The following P4HTM variants were observed in gnomAD, a reference collection of about 807,000 sequenced individuals.
The protein encoded by P4HTM is transmembrane prolyl 4-hydroxylase.
In P4HTM, 33 loss-of-function variants were observed where a neutral mutation model predicts 55.3. The ratio of observed to expected loss-of-function variants is 0.60; its 90% confidence interval spans 0.45 to 0.80. P4HTM has a LOEUF of 0.80. Ranked by LOEUF, P4HTM falls within the 30% of genes least tolerant of loss-of-function variation. The pLI is 0.00. For synonymous variants in P4HTM, 272 were observed against 286.4 expected (o/e 0.95, Z 0.51); for missense variants, 542 against 696.5 (o/e 0.78, Z 2.50).
At position 49,001,976 on chromosome 3, in the gene P4HTM, C is replaced by G. The variant is rs367837912; in HGVS notation, c.627+348C>G. Among the ~76,000 whole-genome samples, 25 of 152,358 alleles carry G rather than the reference C, an allele frequency of 1.6e-4. No homozygotes were observed. In the East Asian group the frequency reaches 2.5e-3, roughly 15 times the overall value. On this transcript the variant is annotated intron_variant, in intron 3 of 8. Transcript: ENST00000383729. ...CTCTGAGGTGGCCAGCAGCCTGCCT[C>G]TCTCTCTGCATAACTCTCACACACT...
rs1243301827 is a variant in P4HTM, at chr3:49,002,826, G to A, written c.724+230G>A. ...GGTGATGGTCTCGAGGGCAGTTCTTGGAGACCCTTTTGATAACATCAGGCA... is the reference window on the plus strand; with the variant it reads ...GGTGATGGTCTCGAGGGCAGTTCTTAGAGACCCTTTTGATAACATCAGGCA... On this transcript the variant is annotated intron_variant, in intron 4 of 8. Coordinates refer to ENST00000383729, the MANE Select transcript of P4HTM (RefSeq NM_177939.3). The surrounding 1 kb of genome is among the most constrained non-coding windows in gnomAD (Gnocchi z 4.4). The A allele has an allele frequency of 1.6e-6, 1 of 621,146 alleles. No individual in the cohort carries two copies. Among genetic ancestry groups the A allele is most frequent in the Non-Finnish European group, 2.9e-6 (1 of 339,306 alleles). 38.5% of individuals were successfully genotyped at this position (621,146 alleles called of 1,614,324 possible).
rs935593731 is a variant in P4HTM at position 49,006,701 on chromosome 3, G to A, written c.1303G>A (p.Val435Ile). Residue 435 changes from valine to isoleucine, a missense_variant, in exon 9 of 9, where the codon GTA becomes ATA. Transcript: ENST00000383729. ...LPDGQGWVGDVDDYSLHGGCL... is the reference protein window; with the variant it reads ...LPDGQGWVGDIDDYSLHGGCL... ...TCCTCTTCTAGGTTGGGTGGGTGACGTAGACGACTACTCGCTGCACGGGGG... is the reference window on the plus strand; with the variant it reads ...TCCTCTTCTAGGTTGGGTGGGTGACATAGACGACTACTCGCTGCACGGGGG... 4 of 1,613,522 alleles carry A rather than the reference G, an allele frequency of 2.5e-6. No homozygotes were observed. Among genetic ancestry groups the A allele is most frequent in the African/African-American group, 1.3e-5 (1 of 74,950 alleles).
In P4HTM at chr3:49,005,241, C is replaced by T. The variant is rs1418493190; in HGVS notation, c.1073+195C>T. On this transcript the variant is annotated intron_variant, in intron 6 of 8. Transcript: ENST00000383729. ...CTGGAAAGGGGTGGCTACTGGTCAT[C>T]GTGACCACTGGAGTCAACACAGACT... The T allele has an allele frequency of 5.0e-5, 76 of 1,523,652 alleles. 1 individual carries two copies. The East Asian group carries it at 1.5e-3, about 30-fold the overall frequency. The allele number at this position is 1,523,652 out of a possible 1,614,324, so 94.4% of individuals were successfully genotyped here.
At chr3:48,997,655 T>G (rs2092949665) in intron 2 of P4HTM, 1 of 152,252 alleles carries the variant, frequency 6.6e-6, no homozygotes, top group East Asian at 1.9e-4. Flanking sequence ...TGTCTGATGC[T>G]CTGCCCTTAG....
At position 48,990,816 on chromosome 3, in the gene P4HTM, G is replaced by C. The variant is rs777161332; in HGVS notation, c.355-17G>C. ...CGGTCTGGCGCCCCAGCTGCCCGCT[G>C]TGCGCCTTTTCCTTAGGTGGGGCAC... On this transcript the variant is annotated splice_polypyrimidine_tract_variant and intron_variant, in intron 1 of 8. Transcript: ENST00000383729. The surrounding 1 kb of genome is among the most constrained non-coding windows in gnomAD (Gnocchi z 7.2). 6.2e-7 allele frequency: 1 copy of C among 1,612,172 alleles called. No homozygotes were observed. The highest frequency in any genetic ancestry group is 8.5e-7 in the Non-Finnish European group (1 of 1,178,624).
intron 5 of P4HTM, 30 bp downstream of exon 5, chr3:49,004,290 C>CAGG: frequency 6.5e-7 from 1 of 1,528,738 alleles, no homozygotes; most frequent in Non-Finnish European, 8.8e-7. Flanking sequence ...CTCACTGGAG[C>CAGG]AGGGGGAGAA....
At chr3:48,993,206 G>A (rs1320858276) in intron 2 of P4HTM, among the ~76,000 whole-genome samples, 1 of 151,878 alleles carries the variant, frequency 6.6e-6, no homozygotes, top group Non-Finnish European at 1.5e-5. Context: ...GGAGGCTGAG[G>A]CAGGAGAATC....
At chr3:48,994,508 A>C (rs530833359) in intron 2 of P4HTM, among the ~76,000 whole-genome samples, 4 of 152,326 alleles carry the variant, frequency 2.6e-5, no homozygotes, top group Admixed American at 2.6e-4. Context: ...GACACTTGGC[A>C]ACTGGGACCT....
rs2092928080 is a variant in P4HTM at position 48,990,600 on chromosome 3, A to G, written c.344A>G (p.Glu115Gly). Residue 115 changes from glutamate to glycine, a missense_variant, in exon 1 of 9, where the codon GAG (glutamate) becomes GGG (glycine). This residue lies in a region of P4HTM where 536 missense variants were observed against 672.1 expected (regional missense o/e 0.80). Transcript: ENST00000383729. This position sits in a 1 kb window ranked among gnomAD's most constrained non-coding sequence, Gnocchi z 7.2. ...ACCTTAGGTCCCCTCACCCGGCTGGAGGGCATCAAGGTGAGGACCTCCCTG... is the reference window on the plus strand; with the variant it reads ...ACCTTAGGTCCCCTCACCCGGCTGGGGGGCATCAAGGTGAGGACCTCCCTG... ...EPTLGPLTRL[E>G]GIKVGHERKV... is the part of the protein sequence containing the mutation. 6.3e-7 allele frequency: 1 copy of G among 1,585,126 alleles called. No homozygotes were observed. The highest frequency in any genetic ancestry group is 8.6e-7 in the Non-Finnish European group (1 of 1,165,954).
intron 2 of P4HTM, among the ~76,000 whole-genome samples, chr3:48,993,421 C>G (rs2092936668): frequency 6.6e-6 from 1 of 152,146 alleles, no homozygotes; most frequent in Admixed American, 6.5e-5. Context: ...TACTACACTA[C>G]TAACGACTAC....
rs142933535 is a variant in P4HTM at position 49,002,681 on chromosome 3, C to T, written c.724+85C>T. 9,080 of 1,019,768 alleles carry T rather than the reference C, an allele frequency of 8.9e-3. 58 individuals are homozygous for T. The highest frequency in any genetic ancestry group is 0.012 in the African/African-American group (740 of 63,820). The allele number at this position is 1,019,768 out of a possible 1,614,324, so 63.2% of individuals were successfully genotyped here. A position where few individuals can be genotyped will look rare whatever the true frequency, so the allele number is the denominator to read the frequency against. On this transcript the variant is annotated intron_variant, in intron 4 of 8. Coordinates refer to ENST00000383729, the MANE Select transcript of P4HTM (RefSeq NM_177939.3). This position sits in a 1 kb window ranked among gnomAD's most constrained non-coding sequence, Gnocchi z 4.4. ...ACAATTTTGAAAACTTGGGCCCTTCCCCCACAGCCAGGCAGCCTCTCTGCA... is the reference window on the plus strand; with the variant it reads ...ACAATTTTGAAAACTTGGGCCCTTCTCCCACAGCCAGGCAGCCTCTCTGCA...
intron 5 of P4HTM, 64 bp downstream of exon 5, chr3:49,004,324 G>T: frequency 2.1e-6 from 3 of 1,432,306 alleles, no homozygotes; most frequent in South Asian, 2.7e-5. Flanking sequence ...CTCCACAGAA[G>T]TCCTTGTCTG....
chr3:49,005,516 C>T (rs993589874), intron 6 of P4HTM: 52 of 1,345,456 alleles, frequency 3.9e-5, no homozygotes, highest in Admixed American at 1.4e-4. Flanking sequence ...CTTTCCCTGC[C>T]AGGCCCTTGC....
chr3:48,995,176 C>T (rs148338810), intron 2 of P4HTM, among the ~76,000 whole-genome samples: 140 of 152,286 alleles, frequency 9.2e-4, no homozygotes, highest in Admixed American at 1.7e-3. Flanking sequence ...AAAGCCCTCT[C>T]GCCTCTTAGA....
At chr3:49,001,125 C>T (rs2092959808) in intron 2 of P4HTM, 1 of 444,798 alleles carries the variant, frequency 2.2e-6, no homozygotes, top group Non-Finnish European at 4.2e-6. Context: ...GGATCACTCT[C>T]TAGCCTTCAG....
chr3:49,004,558 G>T (rs2092970895), intron 5 of P4HTM: 1 of 553,474 alleles, frequency 1.8e-6, no homozygotes, highest in Non-Finnish European at 3.2e-6. Context: ...AGCAGGAAAA[G>T]GGTTTTTAAA....
upstream of P4HTM, chr3:48,990,235 G>A: frequency 8.5e-7 from 1 of 1,176,102 alleles, no homozygotes; most frequent in African/African-American, 1.6e-5. The surrounding 1 kb of genome is among the most constrained non-coding windows in gnomAD (Gnocchi z 7.2). Flanking sequence ...CCTCCCCTGG[G>A]CGCGCGCGCG....
At chr3:48,996,875 T>C (rs2092947493) in intron 2 of P4HTM, among the ~76,000 whole-genome samples, 1 of 152,144 alleles carries the variant, frequency 6.6e-6, no homozygotes, top group Admixed American at 6.5e-5. Flanking sequence ...TTCCGAGGCA[T>C]GTGGGCAGTA....
chr3:49,006,268 G>A, intron 8 of P4HTM, 81 bp downstream of exon 8: 1 of 1,451,228 alleles, frequency 6.9e-7, no homozygotes, highest in South Asian at 1.2e-5. Flanking sequence ...CACAATGGAG[G>A]GCTGTTTCTG....
Sources: allele counts gnomAD v4.1 joint callset (sites outside exome capture counted in the v4.1 genomes callset), GRCh38; gene constraint gnomAD v4.1.1; regional missense constraint gnomAD v4.1.1; non-coding constraint Gnocchi (gnomAD v3.1); transcripts MANE v1.5; gene names NCBI Gene and HGNC (gene_info 2026-07-23, HGNC 2026-07-21).